Variants in KBTBD12 observed in about 807,000 individuals in gnomAD.
The protein encoded by KBTBD12 is kelch repeat and BTB domain-containing protein 12.
In KBTBD12, 53 loss-of-function variants were observed where a neutral mutation model predicts 58.7. The ratio of observed to expected loss-of-function variants is 0.90; its 90% confidence interval spans 0.72 to 1.14. KBTBD12 has a LOEUF of 1.14. KBTBD12 is among the 50% of genes most tolerant of loss of function. The probability of loss-of-function intolerance (pLI) is 0.00; values close to 1 mark genes in which losing one functional copy is unlikely to be tolerated. For missense variants in KBTBD12, 704 were observed against 751.3 expected, an observed-to-expected ratio of 0.94 and a Z score of 0.74; for synonymous variants, 236 against 259.8, an observed-to-expected ratio of 0.91 and a Z score of 0.88.
chr3:127,967,108 C>CA (rs1023823281), intron 5 of KBTBD12, among the ~76,000 whole-genome samples: 2 of 151,908 alleles, frequency 1.3e-5, no homozygotes, highest in South Asian at 2.1e-4. Context: ...ACATATAAAC[C>CA]AAAAAAGATA....
intron 4 of KBTBD12, among the ~76,000 whole-genome samples, chr3:127,936,049 G>A (rs1939823531): frequency 3.3e-5 from 5 of 152,030 alleles, no homozygotes; most frequent in Admixed American, 2.0e-4. Context: ...CCTAAAAAGA[G>A]AGACCTAAAA....
intron 4 of KBTBD12, among the ~76,000 whole-genome samples, chr3:127,945,613 G>A (rs1018711599): frequency 5.3e-5 from 8 of 151,386 alleles, no homozygotes; most frequent in African/African-American, 1.9e-4. Flanking sequence ...GTCTGTTTAA[G>A]TCTCTTCCCC....
At chr3:127,946,154 T>C (rs4857884) in intron 4 of KBTBD12, among the ~76,000 whole-genome samples, 91,094 of 152,066 alleles carry the variant, frequency 0.6, 28,488 homozygotes, top group African/African-American at 0.78. Context: ...TTTATATACC[T>C]TTATATTGTG....
intron 5 of KBTBD12, chr3:127,963,769 A>G (rs1940503598): frequency 6.3e-6 from 1 of 159,386 alleles, no homozygotes; most frequent in African/African-American, 2.4e-5. Flanking sequence ...TTGAATATGA[A>G]GAGAAGAGAA....
intron 5 of KBTBD12, among the ~76,000 whole-genome samples, chr3:127,968,756 T>C (rs1940631973): frequency 6.6e-6 from 1 of 150,620 alleles, no homozygotes; most frequent in Non-Finnish European, 1.5e-5. Flanking sequence ...ATCCTGCATA[T>C]ATACCTCGGA....
chr3:127,953,783 G>A (rs1940260103), intron 4 of KBTBD12, among the ~76,000 whole-genome samples: 1 of 152,158 alleles, frequency 6.6e-6, no homozygotes, highest in Admixed American at 6.5e-5. Context: ...AAAAATAAAG[G>A]AATAGATATG....
At chr3:127,920,382 C>G (rs933392730) in intron 1 of KBTBD12, among the ~76,000 whole-genome samples, 7 of 149,268 alleles carry the variant, frequency 4.7e-5, no homozygotes, top group African/African-American at 1.7e-4. Context: ...GCATGTAGAT[C>G]TAGTTCATTC....
intron 1 of KBTBD12, among the ~76,000 whole-genome samples, chr3:127,918,603 T>G (rs902700851): frequency 1.3e-5 from 2 of 151,646 alleles, no homozygotes; most frequent in Non-Finnish European, 2.9e-5. Context: ...TCCCAGCTAC[T>G]CAGGAGGCTG....
intron 4 of KBTBD12, among the ~76,000 whole-genome samples, chr3:127,957,234 T>C (rs1390550641): frequency 6.6e-6 from 1 of 152,222 alleles, no homozygotes; most frequent in Non-Finnish European, 1.5e-5. Context: ...ACAAGATAAA[T>C]ATGCCAAAGA....
intron 3 of KBTBD12, 132 bp from the exon 4 acceptor site, chr3:127,930,001 G>T: frequency 1.4e-6 from 1 of 723,056 alleles, no homozygotes; most frequent in Middle Eastern, 3.8e-4. Context: ...GGTTTGGTGT[G>T]TTTGTGAGTA....
At chr3:127,950,427 G>A (rs930045486) in intron 4 of KBTBD12, among the ~76,000 whole-genome samples, 1 of 152,202 alleles carries the variant, frequency 6.6e-6, no homozygotes, top group Admixed American at 6.5e-5. Flanking sequence ...AAATAATTCA[G>A]TGGAAAGTAA....
intron 2 of KBTBD12, 61 bp from the exon 3 acceptor site, chr3:127,927,703 T>G: frequency 8.2e-7 from 1 of 1,224,276 alleles, no homozygotes; most frequent in Non-Finnish European, 1.1e-6. Flanking sequence ...ATAAGTGTAT[T>G]TCTTGGGTAA....
At chr3:127,947,319 C>T (rs1212929996) in intron 4 of KBTBD12, among the ~76,000 whole-genome samples, 1 of 152,064 alleles carries the variant, frequency 6.6e-6, no homozygotes. Context: ...AAGTTGCAGC[C>T]TTAATAAGTC....
At chr3:127,916,843 G>A (rs1460666113) in intron 1 of KBTBD12, among the ~76,000 whole-genome samples, 1 of 152,152 alleles carries the variant, frequency 6.6e-6, no homozygotes, top group African/African-American at 2.4e-5. Context: ...GAGGGTGCAA[G>A]TGAAAACTGG....
At chr3:127,952,124 A>AT (rs1025908142) in intron 4 of KBTBD12, among the ~76,000 whole-genome samples, 1 of 152,216 alleles carries the variant, frequency 6.6e-6, no homozygotes, top group African/African-American at 2.4e-5. Context: ...GGAAAATAAT[A>AT]TTTTTTTGAA....
chr3:127,930,026 T>C, intron 3 of KBTBD12, 107 bp from the exon 4 acceptor site: 3 of 978,730 alleles, frequency 3.1e-6, no homozygotes, highest in Non-Finnish European at 4.5e-6. Flanking sequence ...TCACTGCAGT[T>C]AACCTCTATT....
chr3:127,977,014 C>T (rs778387828), intron 5 of KBTBD12, among the ~76,000 whole-genome samples: 2 of 152,138 alleles, frequency 1.3e-5, no homozygotes, highest in South Asian at 2.1e-4. Flanking sequence ...CTTAAGTAGG[C>T]CCCAGTATCT....
rs1005467399 is a variant in KBTBD12, at chr3:127,920,688, C to CT, written c.-112-2255dup. Among the ~76,000 whole-genome samples, 7 of 151,898 alleles carry CT rather than the reference C, an allele frequency of 4.6e-5. No individual in the cohort carries two copies. The East Asian group carries it at 7.7e-4, about 17-fold the overall frequency. On this transcript the variant is annotated intron_variant, in intron 1 of 5. Coordinates refer to ENST00000405109, the MANE Select transcript of KBTBD12 (RefSeq NM_207335.4). ...AACATTCGTGGCTTAAAGAAATTGACTTTTTTTGCACCACATTAATATTTA... is the reference window on the plus strand; with the variant it reads ...AACATTCGTGGCTTAAAGAAATTGACTTTTTTTTGCACCACATTAATATTTA...
chr3:127,923,668 A>C lies in KBTBD12; in HGVS notation c.607A>C (p.Asn203His). ...SILDLVLRWV[N>H]HNKELRTVHL... ...TCTGGACTTAGTTCTGAGATGGGTA[A>C]ATCATAACAAAGAATTGCGTACAGT... The change falls in exon 2 of 6, where the codon AAT becomes CAT. Residue 203 changes from asparagine to histidine, a missense_variant. Coordinates refer to ENST00000405109, the MANE Select transcript of KBTBD12 (RefSeq NM_207335.4). 1 of 1,613,798 alleles carries C rather than the reference A, an allele frequency of 6.2e-7. No homozygotes were observed. The highest frequency in any genetic ancestry group is 8.5e-7 in the Non-Finnish European group (1 of 1,179,798).
Sources: gnomAD v4.1 joint callset for allele counts (sites outside exome capture counted in the v4.1 genomes callset) on GRCh38, gnomAD v4.1.1 for gene constraint, MANE v1.5 for transcripts, NCBI Gene and HGNC (gene_info 2026-07-23, HGNC 2026-07-21) for gene names.